The following ADGRV1 variants were observed in gnomAD, a reference collection of about 807,000 sequenced individuals.
ADGRV1 encodes the protein G-protein coupled receptor 98.
A neutral mutation model predicts 596.2 loss-of-function variants in ADGRV1; 359 were observed. The observed-to-expected ratio is 0.60, with a 90% confidence interval of 0.55 to 0.66. ADGRV1 has a LOEUF of 0.66. ADGRV1 is among the 30% of genes least tolerant of loss of function. The pLI is 0.00. For synonymous variants in ADGRV1, 2,681 were observed against 2,679.2 expected, an observed-to-expected ratio of 1.00 and a Z score of -0.02; for missense variants, 7,274 against 7,575.6, an observed-to-expected ratio of 0.96 and a Z score of 1.48.
At chr5:91,058,443 A>G (rs1245975826) in intron 85 of ADGRV1, among the ~76,000 whole-genome samples, 3 of 147,892 alleles carry the variant, frequency 2.0e-5, no homozygotes, top group Non-Finnish European at 4.5e-5. Context: ...CTCTTCCATA[A>G]AATCGTTAGG....
intron 83 of ADGRV1, among the ~76,000 whole-genome samples, chr5:90,882,356 G>A (rs753063404): frequency 5.9e-5 from 9 of 152,128 alleles, no homozygotes; most frequent in Non-Finnish European, 1.2e-4. Context: ...ATTGAATATC[G>A]TCTTAAGACC....
intron 83 of ADGRV1, among the ~76,000 whole-genome samples, chr5:90,943,273 G>C (rs750215395): frequency 6.6e-6 from 1 of 152,094 alleles, no homozygotes; most frequent in Non-Finnish European, 1.5e-5. Context: ...AGGTTCTTCT[G>C]AGATATGGGA....
At chr5:90,936,920 CATAAT>C (rs1276295157) in intron 83 of ADGRV1, among the ~76,000 whole-genome samples, 1 of 152,024 alleles carries the variant, frequency 6.6e-6, no homozygotes, top group Non-Finnish European at 1.5e-5. Context: ...TGCAATCTTG[CATAAT>C]ATAATAGGTT....
chr5:90,897,236 T>C (rs1361874588), intron 83 of ADGRV1, among the ~76,000 whole-genome samples: 1 of 152,230 alleles, frequency 6.6e-6, no homozygotes, highest in Non-Finnish European at 1.5e-5. Flanking sequence ...TTTAGTTTTA[T>C]AGATTTAGTT....
At chr5:90,797,599 C>T (rs983545662) in intron 70 of ADGRV1, among the ~76,000 whole-genome samples, 4 of 152,136 alleles carry the variant, frequency 2.6e-5, no homozygotes, top group Non-Finnish European at 5.9e-5. Flanking sequence ...GTATTCAGGA[C>T]TTGAACTCAG....
At chr5:90,604,473 G>A (rs1761824345) in intron 1 of ADGRV1, among the ~76,000 whole-genome samples, 1 of 152,072 alleles carries the variant, frequency 6.6e-6, no homozygotes, top group South Asian at 2.1e-4. Context: ...AAAAAATTTT[G>A]TTTGACTAGA....
intron 87 of ADGRV1, among the ~76,000 whole-genome samples, chr5:91,131,827 G>GT (rs1015059552): frequency 6.6e-6 from 1 of 151,974 alleles, no homozygotes; most frequent in Non-Finnish European, 1.5e-5. Flanking sequence ...TTTTGTTTTT[G>GT]TTACGTTTGC....
intron 85 of ADGRV1, chr5:91,031,424 G>T: frequency 2.4e-6 from 2 of 826,962 alleles, no homozygotes; most frequent in Admixed American, 2.0e-5. Flanking sequence ...TGTTCCCATG[G>T]CCAGCATTAA....
rs1020417155 is a variant in ADGRV1 at position 90,829,578 on chromosome 5, A to G, written c.16611+392A>G. Among the ~76,000 whole-genome samples, 9 of 152,252 alleles carry G rather than the reference A, an allele frequency of 5.9e-5. No individual in the cohort carries two copies. In the East Asian group the frequency reaches 1.5e-3, roughly 26 times the overall value. ...AAAATTTTCTTTTTCAGAACCTCCA[A>G]CACTAGCTGATCTTTACACTTCTTC... On this transcript the variant is annotated intron_variant, in intron 77 of 89. Transcript: ENST00000405460.
chr5:91,025,200 CT>C (rs1279071641), intron 85 of ADGRV1, among the ~76,000 whole-genome samples: 2 of 152,144 alleles, frequency 1.3e-5, no homozygotes, highest in African/African-American at 4.8e-5. Context: ...TCTGCTTACT[CT>C]TTCTCTTATT....
chr5:90,906,489 C>T (rs892034434), intron 83 of ADGRV1, among the ~76,000 whole-genome samples: 7 of 152,072 alleles, frequency 4.6e-5, no homozygotes, highest in Non-Finnish European at 8.8e-5. Flanking sequence ...TCCATTTCTT[C>T]TAGATTTTCC....
In ADGRV1 at chr5:90,679,261, TAAA is replaced by T. The variant is rs147018677; in HGVS notation, c.5444-283_5444-281del. On this transcript the variant is annotated intron_variant, in intron 25 of 89. Coordinates refer to ENST00000405460, the MANE Select transcript of ADGRV1 (RefSeq NM_032119.4). ...TATTAGAAAATAATTTACGTTGGTG[TAAA>T]AAAATGAAAATTTAAAAATAATACT... 0.062 allele frequency among the ~76,000 whole-genome samples: 9,371 copies of T among 152,174 alleles called. 404 individuals carry two copies. Among genetic ancestry groups the T allele is most frequent in the Non-Finnish European group, 0.088 (6,004 of 67,980 alleles).
chr5:91,136,824 C>A (rs1263600377), intron 87 of ADGRV1, among the ~76,000 whole-genome samples: 2 of 152,156 alleles, frequency 1.3e-5, no homozygotes. Context: ...TTACAAGAGA[C>A]TGGCTATTTT....
intron 50 of ADGRV1, among the ~76,000 whole-genome samples, chr5:90,743,287 A>G (rs1375793354): frequency 6.6e-6 from 1 of 152,128 alleles, no homozygotes; most frequent in Non-Finnish European, 1.5e-5. Context: ...TTTTTATGCA[A>G]CGTTTGCTGA....
At chr5:90,941,329 A>G (rs899155241) in intron 83 of ADGRV1, among the ~76,000 whole-genome samples, 5 of 152,220 alleles carry the variant, frequency 3.3e-5, no homozygotes, top group Admixed American at 6.5e-5. Flanking sequence ...AAAGGCAGTC[A>G]AATTGATTAA....
intron 74 of ADGRV1, among the ~76,000 whole-genome samples, chr5:90,814,038 G>C (rs1213231671): frequency 1.3e-5 from 2 of 152,166 alleles, no homozygotes; most frequent in Non-Finnish European, 1.5e-5. Context: ...GTTCTGCTGT[G>C]ATAGTCTTGT....
In ADGRV1 at chr5:90,795,151, C is replaced by T. The variant is rs563524108; in HGVS notation, c.14517+3805C>T. Among the ~76,000 whole-genome samples the T allele has an allele frequency of 3.9e-4, 58 of 149,586 alleles. No individual in the cohort carries two copies. The East Asian group carries it at 7.8e-3, about 20-fold the overall frequency. ...GCCTGGAATGCCAGCGAGACAGAAC[C>T]GTTCACTCCCCTGGAGAGGGGGCTG... On this transcript the variant is annotated intron_variant, in intron 70 of 89. Transcript: ENST00000405460.
intron 73 of ADGRV1, among the ~76,000 whole-genome samples, chr5:90,808,852 C>T (rs962952367): frequency 3.3e-5 from 5 of 151,968 alleles, no homozygotes; most frequent in East Asian, 3.9e-4. Flanking sequence ...ACTGAGATCG[C>T]GCCACAGTGC....
At chr5:91,006,305 A>G (rs1199176374) in intron 85 of ADGRV1, among the ~76,000 whole-genome samples, 10 of 152,188 alleles carry the variant, frequency 6.6e-5, no homozygotes, top group Admixed American at 6.6e-4. Context: ...TTGGAAAGCC[A>G]ACCATAAGAA....
Sources: gnomAD v4.1 joint callset for allele counts (sites outside exome capture counted in the v4.1 genomes callset) on GRCh38, gnomAD v4.1.1 for gene constraint, MANE v1.5 for transcripts, NCBI Gene and HGNC (gene_info 2026-07-23, HGNC 2026-07-21) for gene names.